Variants in SNRPN observed in about 807,000 individuals in gnomAD.
The protein encoded by SNRPN is small nuclear ribonucleoprotein-associated protein N.
Under a neutral mutation model 25.2 loss-of-function variants are expected in SNRPN, and 7 were observed. The ratio of observed to expected loss-of-function variants is 0.28; its 90% CI spans 0.16 to 0.52. The LOEUF (loss-of-function observed/expected upper bound fraction) is 0.52, where lower values mean the gene tolerates loss of function less well. SNRPN is among the 20% of genes least tolerant of loss of function. SNRPN has a pLI of 0.96. For missense variants in SNRPN, 196 were observed against 322.5 expected (o/e 0.61, Z 3.00); for synonymous variants, 124 against 110.6 (o/e 1.12, Z -0.76).
At chr15:24,941,574 AG>A (rs1331858651) in intron 3 of SNRPN, among the ~76,000 whole-genome samples, 1 of 152,118 alleles carries the variant, frequency 6.6e-6, no homozygotes, top group South Asian at 2.1e-4. Context: ...TTGGTCACAG[AG>A]CTTGGTTAAT....
At chr15:24,886,406 A>G (rs2057213162) in intron 1 of SNRPN, 1 of 152,146 alleles carries the variant, frequency 6.6e-6, no homozygotes, top group Admixed American at 6.6e-5. Flanking sequence ...TCTCTCCCAC[A>G]CTGCAAGGCC....
intron 3 of SNRPN, among the ~76,000 whole-genome samples, chr15:24,970,789 C>T (rs774776029): frequency 2.0e-5 from 3 of 152,092 alleles, no homozygotes; most frequent in Admixed American, 6.6e-5. Flanking sequence ...TTTCTCAGTA[C>T]CACCCTTTGT....
chr15:24,837,604 C>T (rs887108676), intron 2 of SNRPN, among the ~76,000 whole-genome samples: 2 of 151,896 alleles, frequency 1.3e-5, no homozygotes, highest in Non-Finnish European at 2.9e-5. Flanking sequence ...CTCCTGACTT[C>T]GTGATCCACC....
intron 2 of SNRPN, among the ~76,000 whole-genome samples, chr15:24,963,885 A>G (rs981580562): frequency 7.9e-5 from 12 of 151,990 alleles, no homozygotes; most frequent in African/African-American, 2.9e-4. Context: ...AAAATAAATT[A>G]GCCAGGCGTG....
At chr15:24,873,615 T>C (rs2055465826) in intron 1 of SNRPN, among the ~76,000 whole-genome samples, 2 of 151,834 alleles carry the variant, frequency 1.3e-5, no homozygotes, top group Admixed American at 6.6e-5. Context: ...GCCTGCCTAA[T>C]TTTTTGTATT....
intron 3 of SNRPN, among the ~76,000 whole-genome samples, chr15:24,930,210 C>CAAA (rs10554147): frequency 1.1e-5 from 1 of 93,870 alleles, no homozygotes; most frequent in Non-Finnish European, 2.3e-5. Context: ...CACCACAGTC[C>CAAA]AAAAAAAAAA....
At chr15:24,962,036 C>T (rs2153480376) in intron 1 of SNRPN, 78 bp from the exon 2 acceptor site, 1 of 1,183,234 alleles carries the variant, frequency 8.5e-7, no homozygotes, top group Non-Finnish European at 1.3e-6. Flanking sequence ...AAATGTAGTT[C>T]TAAATATAAC....
chr15:24,866,991 G>C (rs1419054896), intron 1 of SNRPN, among the ~76,000 whole-genome samples: 1 of 152,098 alleles, frequency 6.6e-6, no homozygotes, highest in Non-Finnish European at 1.5e-5. Context: ...ACTTCTCATT[G>C]AGGAGTGTTG....
intron 1 of SNRPN, among the ~76,000 whole-genome samples, chr15:24,863,073 A>C (rs1261141985): frequency 6.6e-6 from 1 of 150,632 alleles, no homozygotes; most frequent in Non-Finnish European, 1.5e-5. Context: ...AATCCATGAG[A>C]TCTACTGACA....
intron 1 of SNRPN, among the ~76,000 whole-genome samples, chr15:24,956,369 T>A (rs906468226): frequency 7.2e-6 from 1 of 139,828 alleles, no homozygotes; most frequent in Non-Finnish European, 1.5e-5. Flanking sequence ...GGGTGGCCGC[T>A]TCCTCCCTGT....
At chr15:24,882,823 CAAA>C (rs10543501) in intron 1 of SNRPN, among the ~76,000 whole-genome samples, 40,286 of 127,142 alleles carry the variant, frequency 0.32, 7,873 homozygotes, top group East Asian at 0.43. Context: ...GACTCCATCT[CAAA>C]AAAAAAAATA....
At chr15:24,884,148 C>CAAAA (rs61039873) in intron 1 of SNRPN, among the ~76,000 whole-genome samples, 21 of 104,866 alleles carry the variant, frequency 2.0e-4, no homozygotes, top group African/African-American at 3.9e-4. Context: ...CCTGCCTCTA[C>CAAAA]AAAAAAAAAA....
At chr15:24,848,228 C>CGGTGGG (rs1481474816) in intron 2 of SNRPN, 1 of 21,442 alleles carries the variant, frequency 4.7e-5, no homozygotes, top group Non-Finnish European at 9.8e-5. Flanking sequence ...GCGGGGGCGG[C>CGGTGGG]GGTGGGGGCG....
chr15:24,832,122 C>G (rs550697743), intron 2 of SNRPN, among the ~76,000 whole-genome samples: 4 of 151,738 alleles, frequency 2.6e-5, no homozygotes, highest in African/African-American at 9.7e-5. Flanking sequence ...TTCCCACCGA[C>G]AGTACACATG....
At chr15:24,962,440 A>AT (rs1320838549) in intron 2 of SNRPN, among the ~76,000 whole-genome samples, 1 of 152,202 alleles carries the variant, frequency 6.6e-6, no homozygotes, top group Admixed American at 6.5e-5. Context: ...GGGTAAGTGC[A>AT]TTTTATCTTT....
intron 1 of SNRPN, among the ~76,000 whole-genome samples, chr15:24,885,831 T>G (rs148517846): frequency 1.3e-5 from 2 of 152,034 alleles, no homozygotes; most frequent in East Asian, 1.9e-4. Flanking sequence ...TATCAGGATA[T>G]AAAACACACT....
chr15:24,945,064 C>G (rs971171234), intron 3 of SNRPN, among the ~76,000 whole-genome samples: 2 of 152,122 alleles, frequency 1.3e-5, no homozygotes, highest in African/African-American at 4.8e-5. Flanking sequence ...GACCAAATAT[C>G]TGGGTACCAT....
chr15:24,926,891 G>A (rs774276103), intron 3 of SNRPN, among the ~76,000 whole-genome samples: 7 of 151,696 alleles, frequency 4.6e-5, no homozygotes, highest in Non-Finnish European at 8.8e-5. Context: ...CATGCCTATC[G>A]TCCCAGCCAC....
intron 3 of SNRPN, among the ~76,000 whole-genome samples, chr15:24,923,920 A>ATTTTTTTTTTTTTTTTTTTTTTT (rs1566917438): frequency 1.1e-5 from 1 of 87,796 alleles, no homozygotes; most frequent in Non-Finnish European, 2.0e-5. Flanking sequence ...TGTGTATATA[A>ATTTTTTTTTTTTTTTTTTTTTTT]ACATTTTTTT....
Sources: gnomAD v4.1 joint callset for allele counts (sites outside exome capture counted in the v4.1 genomes callset) on GRCh38, gnomAD v4.1.1 for gene constraint, MANE v1.5 for transcripts, NCBI Gene and HGNC (gene_info 2026-07-23, HGNC 2026-07-21) for gene names.